Variants in HOXB2 observed in about 807,000 individuals in gnomAD.
HOXB2 encodes the protein homeobox B2.
Under a neutral mutation model 13.1 loss-of-function variants are expected in HOXB2, and 14 were observed. The ratio of observed to expected loss-of-function variants is 1.07; its 90% CI spans 0.71 to 1.67. HOXB2 has a LOEUF of 1.67. Among genes scored for constraint, HOXB2 ranks in the 40% most tolerant of loss-of-function variants. The pLI is 0.00. For synonymous variants in HOXB2, 261 were observed against 233.1 expected (o/e 1.12, Z -1.09); for missense variants, 582 against 488.3 (o/e 1.19, Z -1.81).
At position 48,543,715 on chromosome 17, in the gene HOXB2, C is replaced by T. The variant is rs1450751955; in HGVS notation, c.424G>A (p.Gly142Arg). The change falls in exon 2 of 2, where the codon GGG becomes AGG. Residue 142 changes from glycine to arginine, a missense_variant. Coordinates refer to ENST00000330070, the MANE Select transcript of HOXB2 (RefSeq NM_002145.4). ...TAAGCCGTGCGCAGCCTGCGCGCCCCGCCGCCACCAGCCTCCGGCAGTCCC... is the reference window on the plus strand; with the variant it reads ...TAAGCCGTGCGCAGCCTGCGCGCCCTGCCGCCACCAGCCTCCGGCAGTCCC... The part of the protein sequence containing the change: ...GLGLPEAGGG[G>R]ARRLRTAYTN... 16 of 1,608,658 alleles carry T rather than the reference C, an allele frequency of 9.9e-6. No individual in the cohort carries two copies. Among genetic ancestry groups the T allele is most frequent in the Non-Finnish European group, 1.3e-5 (15 of 1,177,282 alleles).
chr17:48,543,488 G>A lies in HOXB2; in HGVS notation c.651C>T (p.Ala217=). The A allele has an allele frequency of 6.2e-7, 1 of 1,612,072 alleles. No individual in the cohort carries two copies. Among genetic ancestry groups the A allele is most frequent in the Non-Finnish European group, 8.5e-7 (1 of 1,179,852 alleles). ...CGGCAGGGTCGCAGATGTCCTCCAGGGCTCCCGGGCAGGCAGGCTCCCCAT... is the reference window on the plus strand; with the variant it reads ...CGGCAGGGTCGCAGATGTCCTCCAGAGCTCCCGGGCAGGCAGGCTCCCCAT... ...PPDGEPACPG[A]LEDICDPAEE... Residue 217 remains alanine (A), a synonymous_variant, in exon 2 of 2, where the codon GCC becomes GCT. Transcript: ENST00000330070.
intron 1 of HOXB2, 116 bp from the exon 2 acceptor site, chr17:48,543,863 C>T: frequency 1.4e-6 from 1 of 729,090 alleles, no homozygotes; most frequent in Non-Finnish European, 2.2e-6. Flanking sequence ...CCACCCCACC[C>T]CCGCCCCCAC....
rs1184008658 is a variant in HOXB2 at position 48,543,212 on chromosome 17, G to A, written c.927C>T (p.Phe309=). ...QDSPFLPDLN[F]FAADSCLQLS... is the part of the protein sequence containing the mutation. ...GCTGGAGACAGGAGTCGGCCGCGAA[G>A]AAGTTGAGGTCGGGAAGGAAAGGTG... Residue 309 remains phenylalanine (F), a synonymous_variant, in exon 2 of 2, where the codon TTC becomes TTT. Transcript: ENST00000330070. The A allele has an allele frequency of 2.4e-5, 38 of 1,613,794 alleles. No individual in the cohort carries two copies. Among genetic ancestry groups the A allele is most frequent in the Non-Finnish European group, 3.1e-5 (37 of 1,180,018 alleles).
chr17:48,543,528 T>G lies in HOXB2; in HGVS notation c.611A>C (p.His204Pro). 6.2e-7 allele frequency: 1 copy of G among 1,612,898 alleles called. No homozygotes were observed. Among genetic ancestry groups the G allele is most frequent in the East Asian group, 2.2e-5 (1 of 44,818 alleles). ...RRMKHKRQTQ[H>P]REPPDGEPAC... ...AGGCTCCCCATCCGGCGGCTCTCGG[T>G]GCTGCGTCTGCCGCTTGTGCTTCAT... Residue 204 changes from histidine to proline, a missense_variant, in exon 2 of 2, where the codon CAC (histidine) becomes CCC (proline). Transcript: ENST00000330070.
chr17:48,543,732 G>C lies in HOXB2; in HGVS notation c.407C>G (p.Pro136Arg). ...VGSPADGLGLPEAGGGGARRL... is the reference protein window; with the variant it reads ...VGSPADGLGLREAGGGGARRL... Reference sequence around the variant, plus strand: ...GCGCGCCCCGCCGCCACCAGCCTCCGGCAGTCCCAGGCCATCTGCAGGGAA... The same window carrying C: ...GCGCGCCCCGCCGCCACCAGCCTCCCGCAGTCCCAGGCCATCTGCAGGGAA... The change falls in exon 2 of 2, where the codon CCG (proline) becomes CGG (arginine). Residue 136 changes from proline to arginine, a missense_variant. Coordinates refer to ENST00000330070, the MANE Select transcript of HOXB2 (RefSeq NM_002145.4). 4 of 1,601,414 alleles carry C rather than the reference G, an allele frequency of 2.5e-6. No individual in the cohort carries two copies. Among genetic ancestry groups the C allele is most frequent in the Middle Eastern group, 1.7e-4 (1 of 6,006 alleles).
Position 48,544,940 on chromosome 17 carries a change from T to TGGGGGGGGGGGGGGGGGGCG in HOXB2, c.-30_-29insCGCCCCCCCCCCCCCCCCCC. The TGGGGGGGGGGGGGGGGGGCG allele has an allele frequency of 3.3e-5, 9 of 271,674 alleles. No homozygotes were observed. Among genetic ancestry groups the TGGGGGGGGGGGGGGGGGGCG allele is most frequent in the Admixed American group, 6.8e-5 (1 of 14,742 alleles). The allele number at this position is 271,674 out of a possible 1,614,324, so 16.8% of individuals were successfully genotyped here. On this transcript the variant is annotated 5_prime_UTR_variant, in exon 1 of 2. Transcript: ENST00000330070. The stretch of plus-strand genomic sequence containing the variant: ...TTTCAATGGTGGGGGAGGGGGCTGC[T>TGGGGGGGGGGGGGGGGGGCG]GGGGGGGGCGTCAGGAGGGAGGATC...
At position 48,544,570 on chromosome 17, in the gene HOXB2, A is replaced by G. The variant is rs372348656; in HGVS notation, c.342T>C (p.Pro114=). 2.2e-4 allele frequency: 352 copies of G among 1,608,040 alleles called. 11 individuals carry two copies. The East Asian group carries it at 3.9e-3, about 18-fold the overall frequency. The change falls in exon 1 of 2, where the codon CCT becomes CCC. Residue 114 remains proline (P), a synonymous_variant. Coordinates refer to ENST00000330070, the MANE Select transcript of HOXB2 (RefSeq NM_002145.4). ...AKKPSQSATS[P]SPAASAVPAS... is the part of the protein sequence containing the mutation. ...CCGGAACGGCGGAGGCGGCCGGAGAAGGAGACGTGGCGGATTGGCTGGGTT... is the reference window on the plus strand; with the variant it reads ...CCGGAACGGCGGAGGCGGCCGGAGAGGGAGACGTGGCGGATTGGCTGGGTT...
Sources: gnomAD v4.1 joint callset for allele counts on GRCh38, gnomAD v4.1.1 for gene constraint, MANE v1.5 for transcripts, NCBI Gene and HGNC (gene_info 2026-07-23, HGNC 2026-07-21) for gene names.